Variants in JAKMIP2 observed in about 807,000 individuals in gnomAD.
JAKMIP2 encodes the protein janus kinase and microtubule-interacting protein 2.
JAKMIP2 carries 25 observed loss-of-function variants against 115.0 expected under a neutral mutation model. The observed-to-expected ratio is 0.22, with a 90% CI of 0.16 to 0.30. The LOEUF is 0.30. Ranked by LOEUF, JAKMIP2 falls within the 10% of genes least tolerant of loss-of-function variation. The pLI is 1.00. For synonymous variants in JAKMIP2, 334 were observed against 343.6 expected, an observed-to-expected ratio of 0.97 and a Z score of 0.31; for missense variants, 642 against 957.6, an observed-to-expected ratio of 0.67 and a Z score of 4.35.
In JAKMIP2 at chr5:147,641,730, C is replaced by A; in HGVS notation, c.1259G>T (p.Arg420Ile). The change falls in exon 8 of 22, where the codon AGA becomes ATA. Residue 420 changes from arginine to isoleucine, a missense_variant. By Grantham distance (97) the Arg-to-Ile change is moderately conservative (BLOSUM62 -3). Transcript: ENST00000616793. ...TACCTTAATTGGCTTGGAACTTCTTCTATGCTTTCTTCTACGGATGAGCTT... is the reference window on the plus strand; with the variant it reads ...TACCTTAATTGGCTTGGAACTTCTTATATGCTTTCTTCTACGGATGAGCTT... ...REKLIRRRKH[R>I]RSSKPIKRPV... The A allele has an allele frequency of 1.2e-6, 2 of 1,613,302 alleles. No homozygotes were observed. Among genetic ancestry groups the A allele is most frequent in the Non-Finnish European group, 1.7e-6 (2 of 1,179,386 alleles).
In JAKMIP2 at chr5:147,648,441, A is replaced by G. The variant is rs909633702; in HGVS notation, c.871T>C (p.Leu291=). 2 of 1,607,776 alleles carry G rather than the reference A, an allele frequency of 1.2e-6. No individual in the cohort carries two copies. The highest frequency in any genetic ancestry group is 2.2e-5 in the East Asian group (1 of 44,794). The part of the protein sequence containing the change: ...LRRNQKRIAE[L]NATIRKLEDR... ...TCTAATTTTCTTATAGTGGCATTCA[A>G]TTCAGCTATTCTCTTTTGATTTCTT... Residue 291 remains leucine (L), a synonymous_variant, in exon 5 of 22, where the codon TTG becomes CTG. Transcript: ENST00000616793.
chr5:147,765,527 A>G (rs2127061841), intron 1 of JAKMIP2, among the ~76,000 whole-genome samples: 1 of 152,296 alleles, frequency 6.6e-6, no homozygotes, highest in South Asian at 2.1e-4. Context: ...ATTAAAATAA[A>G]AAAGACCAAG....
At chr5:147,716,607 A>C (rs1255398718) in intron 1 of JAKMIP2, among the ~76,000 whole-genome samples, 1 of 151,932 alleles carries the variant, frequency 6.6e-6, no homozygotes, top group Non-Finnish European at 1.5e-5. Context: ...GATGATGAGC[A>C]TTTTTTCATG....
intron 1 of JAKMIP2, among the ~76,000 whole-genome samples, chr5:147,746,774 T>C (rs1445553938): frequency 2.0e-5 from 3 of 152,152 alleles, no homozygotes; most frequent in Admixed American, 2.0e-4. Flanking sequence ...ATATGTAACA[T>C]TGGAAACATT....
chr5:147,668,975 G>C (rs1287499473), intron 2 of JAKMIP2, among the ~76,000 whole-genome samples: 3 of 152,136 alleles, frequency 2.0e-5, no homozygotes, highest in Admixed American at 6.5e-5. Flanking sequence ...GTAAATATCA[G>C]TGGGATTATT....
At chr5:147,674,117 C>T (rs1759790466) in intron 1 of JAKMIP2, among the ~76,000 whole-genome samples, 1 of 152,170 alleles carries the variant, frequency 6.6e-6, no homozygotes, top group Middle Eastern at 3.2e-3. Flanking sequence ...GTCTTTGTTA[C>T]ATTAGTCCCC....
At chr5:147,687,424 G>A (rs1309280410) in intron 1 of JAKMIP2, among the ~76,000 whole-genome samples, 1 of 152,168 alleles carries the variant, frequency 6.6e-6, no homozygotes, top group Admixed American at 6.5e-5. Context: ...ACTCAGAGGA[G>A]GAGCTCCAAC....
chr5:147,637,432 TTTTGA>T (rs1463690974), intron 10 of JAKMIP2, among the ~76,000 whole-genome samples: 9 of 111,750 alleles, frequency 8.1e-5, no homozygotes, highest in African/African-American at 3.2e-4. Flanking sequence ...CCCCAAATTC[TTTTGA>T]TTTTTTTTTT....
rs142601776 is a variant in JAKMIP2 at position 147,639,366 on chromosome 5, TC to T, written c.1530+265del. Among the ~76,000 whole-genome samples the T allele has an allele frequency of 6.2e-3, 950 of 152,324 alleles. 11 individuals carry two copies. Among genetic ancestry groups the T allele is most frequent in the African/African-American group, 0.022 (911 of 41,564 alleles). The stretch of plus-strand genomic sequence containing the variant: ...AATGGCTTAACAAAATCCAATATTG[TC>T]TAGCTTTGAAAATGTATGTTTTCAA... On this transcript the variant is annotated intron_variant, in intron 10 of 21. Coordinates refer to ENST00000616793, the MANE Select transcript of JAKMIP2 (RefSeq NM_001270941.2).
chr5:147,694,300 T>G (rs1168326747), intron 1 of JAKMIP2, among the ~76,000 whole-genome samples: 1 of 152,190 alleles, frequency 6.6e-6, no homozygotes, highest in Non-Finnish European at 1.5e-5. Flanking sequence ...TGTCAGCAGC[T>G]TGCGCTCTTT....
chr5:147,781,949 A>G (rs1006191823), intron 1 of JAKMIP2, among the ~76,000 whole-genome samples: 2 of 152,198 alleles, frequency 1.3e-5, no homozygotes, highest in South Asian at 4.1e-4. Flanking sequence ...TCTCAACAAG[A>G]GTATATTAGA....
intron 10 of JAKMIP2, 65 bp downstream of exon 10, chr5:147,639,567 C>A: frequency 6.6e-7 from 1 of 1,521,786 alleles, no homozygotes; most frequent in South Asian, 1.3e-5. Context: ...TTTTTATGTC[C>A]ACAGTGCTTT....
At chr5:147,649,496 G>T (rs1305985856) in intron 4 of JAKMIP2, among the ~76,000 whole-genome samples, 2 of 152,036 alleles carry the variant, frequency 1.3e-5, no homozygotes, top group Non-Finnish European at 2.9e-5. Context: ...TGGCAGATTT[G>T]GGATTTGAAC....
At chr5:147,715,575 T>C (rs1043597264) in intron 1 of JAKMIP2, among the ~76,000 whole-genome samples, 4 of 151,614 alleles carry the variant, frequency 2.6e-5, no homozygotes, top group Non-Finnish European at 5.9e-5. Context: ...AATAGGATAA[T>C]TCATAATGAT....
chr5:147,640,560 T>A (rs1757833762), intron 9 of JAKMIP2, 144 bp downstream of exon 9: 1 of 745,738 alleles, frequency 1.3e-6, no homozygotes, highest in Non-Finnish European at 2.1e-6. Flanking sequence ...GATAATAAAG[T>A]GCAGCCTCAA....
chr5:147,702,656 GAAAGAA>G (rs1365417612), intron 1 of JAKMIP2, among the ~76,000 whole-genome samples: 9 of 116,216 alleles, frequency 7.7e-5, no homozygotes, highest in African/African-American at 1.6e-4. Context: ...AAGAAAGAAA[GAAAGAA>G]AGAGAGAGAA....
intron 1 of JAKMIP2, among the ~76,000 whole-genome samples, chr5:147,734,809 A>T (rs1753860799): frequency 6.6e-6 from 1 of 152,166 alleles, no homozygotes. Context: ...TTTTGGGGTA[A>T]GATTTACAAA....
chr5:147,764,920 A>AAGAAAGAAAGAAAGAGAG (rs1554086034), intron 1 of JAKMIP2, among the ~76,000 whole-genome samples: 1 of 39,464 alleles, frequency 2.5e-5, no homozygotes, highest in African/African-American at 1.4e-4. Flanking sequence ...GAAAGAAAGA[A>AAGAAAGAAAGAAAGAGAG]AGAGAGAGAG....
chr5:147,658,611 C>T (rs1385556057), intron 3 of JAKMIP2, among the ~76,000 whole-genome samples: 2 of 152,158 alleles, frequency 1.3e-5, no homozygotes, highest in East Asian at 3.9e-4. Context: ...AGATTAAATC[C>T]GCTGAAGCTG....
Sources: allele counts gnomAD v4.1 joint callset (sites outside exome capture counted in the v4.1 genomes callset), GRCh38; gene constraint gnomAD v4.1.1; transcripts MANE v1.5; gene names NCBI Gene and HGNC (gene_info 2026-07-23, HGNC 2026-07-21).